CLSTN2: variants seen among roughly 807,000 people sequenced by gnomAD.
The protein encoded by CLSTN2 is calsyntenin 2, also known as calsyntenin-2.
Under a neutral mutation model 101.2 loss-of-function variants are expected in CLSTN2, and 48 were observed. That is an observed-to-expected ratio of 0.47 (90% CI 0.38 to 0.60). The LOEUF is 0.60. CLSTN2 is among the 20% of genes least tolerant of loss of function. The pLI, the probability that CLSTN2 is intolerant of heterozygous loss-of-function variation, is 0.00. For synonymous variants in CLSTN2, 481 were observed against 463.6 expected (o/e 1.04, Z -0.48); for missense variants, 1,160 against 1,238.2 (o/e 0.94, Z 0.95).
At chr3:140,347,449 G>T (rs115551763) in intron 2 of CLSTN2, among the ~76,000 whole-genome samples, 1,953 of 152,292 alleles carry the variant, frequency 0.013, 44 homozygotes, top group African/African-American at 0.045. Flanking sequence ...CCTAAACCTG[G>T]TGTGAACATA....
intron 8 of CLSTN2, among the ~76,000 whole-genome samples, chr3:140,520,393 T>C (rs780664402): frequency 6.6e-6 from 1 of 152,208 alleles, no homozygotes; most frequent in Non-Finnish European, 1.5e-5. Flanking sequence ...CTTATAATCA[T>C]GGTGAAAGGC....
At chr3:140,034,505 A>G (rs1381194772) in intron 1 of CLSTN2, among the ~76,000 whole-genome samples, 2 of 152,188 alleles carry the variant, frequency 1.3e-5, no homozygotes, top group Non-Finnish European at 2.9e-5. Context: ...CTTGGGAATA[A>G]TCCGCACCCT....
intron 1 of CLSTN2, among the ~76,000 whole-genome samples, chr3:140,123,776 A>C (rs544787664): frequency 6.6e-6 from 1 of 151,942 alleles, no homozygotes; most frequent in Non-Finnish European, 1.5e-5. Context: ...TCCTCAGTGC[A>C]TTCACATGAG....
intron 1 of CLSTN2, among the ~76,000 whole-genome samples, chr3:140,126,091 A>G (rs1445469975): frequency 6.6e-6 from 1 of 152,130 alleles, no homozygotes; most frequent in South Asian, 2.1e-4. Context: ...GTTGGTGATG[A>G]TGTATAGCCT....
intron 4 of CLSTN2, among the ~76,000 whole-genome samples, chr3:140,415,259 C>T (rs1447393076): frequency 6.6e-6 from 1 of 151,920 alleles, no homozygotes; most frequent in African/African-American, 2.4e-5. Context: ...AGGGAGAAGG[C>T]TCCTTGGCAT....
chr3:140,118,795 A>T (rs903387669), intron 1 of CLSTN2, among the ~76,000 whole-genome samples: 7 of 152,194 alleles, frequency 4.6e-5, no homozygotes, highest in South Asian at 2.1e-4. Flanking sequence ...CATGTTCTCT[A>T]CTAAGGCAGA....
chr3:140,560,606 T>C (rs1935891598), intron 12 of CLSTN2, among the ~76,000 whole-genome samples: 1 of 152,118 alleles, frequency 6.6e-6, no homozygotes, highest in South Asian at 2.1e-4. Context: ...GGCTCATCCA[T>C]GGCCGATTTG....
At chr3:140,378,184 G>C (rs972449807) in intron 2 of CLSTN2, among the ~76,000 whole-genome samples, 15 of 152,146 alleles carry the variant, frequency 9.9e-5, no homozygotes, top group African/African-American at 3.6e-4. Flanking sequence ...GCTCAACAAT[G>C]AAATTTCTAA....
intron 2 of CLSTN2, among the ~76,000 whole-genome samples, chr3:140,206,308 C>T (rs1159659707): frequency 6.6e-6 from 1 of 152,168 alleles, no homozygotes; most frequent in Non-Finnish European, 1.5e-5. Flanking sequence ...TGGAGAGACA[C>T]ATCTCCTATA....
At chr3:140,500,666 C>T (rs1310088701) in intron 8 of CLSTN2, among the ~76,000 whole-genome samples, 1 of 152,126 alleles carries the variant, frequency 6.6e-6, no homozygotes. Flanking sequence ...GGCTCTGGTC[C>T]CAGTCCCCCA....
At chr3:140,256,242 C>T (rs572272345) in intron 2 of CLSTN2, among the ~76,000 whole-genome samples, 21 of 152,154 alleles carry the variant, frequency 1.4e-4, no homozygotes, top group Admixed American at 2.0e-4. Flanking sequence ...AATGTAGATG[C>T]CCATCTCTCT....
chr3:140,192,481 T>G (rs897420692), intron 2 of CLSTN2, among the ~76,000 whole-genome samples: 1 of 151,890 alleles, frequency 6.6e-6, no homozygotes, highest in African/African-American at 2.4e-5. Context: ...AGCTCTGTTG[T>G]TTAGTACATA....
At chr3:139,985,007 C>T (rs1387510484) in intron 1 of CLSTN2, among the ~76,000 whole-genome samples, 1 of 152,168 alleles carries the variant, frequency 6.6e-6, no homozygotes, top group Non-Finnish European at 1.5e-5. Context: ...AGCTTCATCT[C>T]CAAAATGTGT....
At chr3:140,010,455 C>T (rs1041630569) in intron 1 of CLSTN2, among the ~76,000 whole-genome samples, 3 of 152,170 alleles carry the variant, frequency 2.0e-5, no homozygotes, top group East Asian at 1.9e-4. Context: ...GTCTGGCAGG[C>T]GCTCCTCTCT....
intron 1 of CLSTN2, among the ~76,000 whole-genome samples, chr3:140,088,454 T>A (rs2008715288): frequency 6.6e-6 from 1 of 152,190 alleles, no homozygotes. Context: ...CTTGTATTTT[T>A]AATCTAGAAT....
At chr3:140,300,647 T>C (rs1320305080) in intron 2 of CLSTN2, among the ~76,000 whole-genome samples, 3 of 152,176 alleles carry the variant, frequency 2.0e-5, no homozygotes, top group African/African-American at 7.2e-5. Flanking sequence ...GGTGGGCCCA[T>C]GAAAGGCTGA....
At chr3:140,540,109 T>G (rs1411386633) in intron 9 of CLSTN2, among the ~76,000 whole-genome samples, 1 of 152,172 alleles carries the variant, frequency 6.6e-6, no homozygotes, top group Non-Finnish European at 1.5e-5. Context: ...GGCCCTTAGT[T>G]CCTTCACGTG....
intron 8 of CLSTN2, chr3:140,507,921 G>T (rs978511760): frequency 6.6e-6 from 1 of 152,164 alleles, no homozygotes; most frequent in African/African-American, 2.4e-5. Flanking sequence ...CACTCAGCAA[G>T]TTTAAGAAAC....
intron 1 of CLSTN2, among the ~76,000 whole-genome samples, chr3:140,091,890 A>G (rs933137885): frequency 2.6e-5 from 4 of 152,154 alleles, no homozygotes; most frequent in Admixed American, 6.5e-5. Context: ...AATTTTCTCC[A>G]TTCTTCGTGG....
Sources: gnomAD v4.1 joint callset for allele counts (sites outside exome capture counted in the v4.1 genomes callset) on GRCh38, gnomAD v4.1.1 for gene constraint, MANE v1.5 for transcripts, NCBI Gene and HGNC (gene_info 2026-07-23, HGNC 2026-07-21) for gene names.